GNAL: variants seen among roughly 807,000 people sequenced by gnomAD.
GNAL encodes the protein G protein subunit alpha L.
GNAL carries 18 observed loss-of-function variants against 55.1 expected under a neutral mutation model. The observed-to-expected ratio is 0.33, with a 90% CI of 0.23 to 0.48. The LOEUF (loss-of-function observed/expected upper bound fraction) is 0.48, where lower values mean the gene tolerates loss of function less well. GNAL is among the 20% of genes least tolerant of loss of function. The pLI, the probability that GNAL is intolerant of heterozygous loss-of-function variation, is 0.99. For synonymous variants in GNAL, 253 were observed against 237.0 expected, an observed-to-expected ratio of 1.07 and a Z score of -0.62; for missense variants, 412 against 614.1, an observed-to-expected ratio of 0.67 and a Z score of 3.48.
At position 11,752,188 on chromosome 18, in the gene GNAL, A is replaced by C. The variant is rs1250581550; in HGVS notation, c.377-665A>C. On this transcript the variant is annotated intron_variant, in intron 1 of 11. Transcript: ENST00000334049. This position sits in a 1 kb window ranked among gnomAD's most constrained non-coding sequence, Gnocchi z 4.5. ...GTATTCATCCAGCAGATTTTGAAAC[A>C]ATTCTCGTGTAAAAAGGCATTTTAC... The C allele has an allele frequency of 5.5e-6, 3 of 545,490 alleles. No homozygotes were observed. Among genetic ancestry groups the C allele is most frequent in the East Asian group, 9.1e-5 (2 of 22,066 alleles). 33.8% of individuals were successfully genotyped at this position (545,490 alleles called of 1,614,324 possible). A position where few individuals can be genotyped will look rare whatever the true frequency, so the allele number is the denominator to read the frequency against.
intron 4 of GNAL, among the ~76,000 whole-genome samples, chr18:11,761,637 A>G (rs986364491): frequency 2.0e-5 from 3 of 152,048 alleles, no homozygotes; most frequent in South Asian, 2.1e-4. Context: ...GCAGATTTCT[A>G]TGGGATTTTT....
chr18:11,804,947 G>T (rs1447203676), intron 4 of GNAL, among the ~76,000 whole-genome samples: 7 of 146,506 alleles, frequency 4.8e-5, no homozygotes, highest in Non-Finnish European at 7.6e-5. Flanking sequence ...CTGTGTAGTG[G>T]TGAAGTACAG....
intron 4 of GNAL, among the ~76,000 whole-genome samples, chr18:11,805,711 A>C (rs898824106): frequency 6.6e-6 from 1 of 152,202 alleles, no homozygotes; most frequent in Non-Finnish European, 1.5e-5. Flanking sequence ...GCCAAAAAGT[A>C]TTCTATTGCG....
At chr18:11,768,460 G>T (rs1195369186) in intron 4 of GNAL, among the ~76,000 whole-genome samples, 1 of 151,702 alleles carries the variant, frequency 6.6e-6, no homozygotes, top group Non-Finnish European at 1.5e-5. Flanking sequence ...AATTAGCTGG[G>T]CGTGGTGGCA....
At chr18:11,815,063 G>A (rs1249271535) in intron 4 of GNAL, among the ~76,000 whole-genome samples, 2 of 152,162 alleles carry the variant, frequency 1.3e-5, no homozygotes, top group Non-Finnish European at 2.9e-5. Flanking sequence ...TTACACAGTA[G>A]AGTGACTATA....
At chr18:11,701,455 G>T (rs2031567307) in intron 1 of GNAL, among the ~76,000 whole-genome samples, 2 of 151,338 alleles carry the variant, frequency 1.3e-5, no homozygotes, top group African/African-American at 4.9e-5. Context: ...GCCAGACGTT[G>T]TGGCGGGTAC....
rs112505457 is a variant in GNAL, at chr18:11,840,875, CT to C, written c.722+15877del. ...CATTGAGGAATTTGCTTTTTCTTTT[CT>C]TTTTTTTTTTTTTTTTGAGACACAG... On this transcript the variant is annotated intron_variant, in intron 5 of 11. Transcript: ENST00000334049. 5.7e-3 allele frequency among the ~76,000 whole-genome samples: 778 copies of C among 136,980 alleles called. 4 individuals carry two copies. Among genetic ancestry groups the C allele is most frequent in the Non-Finnish European group, 5.5e-3 (348 of 62,930 alleles). The allele number at this position is 136,980 out of a possible 152,430, so 89.9% of individuals were successfully genotyped here.
At chr18:11,699,558 A>T (rs372133320) in intron 1 of GNAL, among the ~76,000 whole-genome samples, 2 of 145,296 alleles carry the variant, frequency 1.4e-5, no homozygotes, top group African/African-American at 5.0e-5. Context: ...TTTTTTTTTG[A>T]GGGGGGGGGT....
rs1356631953 is a variant in GNAL, at chr18:11,868,689, T to TA, written c.1031+27dup. On this transcript the variant is annotated intron_variant, in intron 9 of 11. Transcript: ENST00000334049. The surrounding 1 kb of genome is among the most constrained non-coding windows in gnomAD (Gnocchi z 4.0). Reference sequence around the variant, plus strand: ...GTGACAAAAATAGCAAATTCAGTCTTACCATTGGATTGCAAATTTTCTTTT... The same window carrying TA: ...GTGACAAAAATAGCAAATTCAGTCTTAACCATTGGATTGCAAATTTTCTTTT... 3 of 1,585,560 alleles carry TA rather than the reference T, an allele frequency of 1.9e-6. No homozygotes were observed. The highest frequency in any genetic ancestry group is 1.7e-6 in the Non-Finnish European group (2 of 1,165,612).
At chr18:11,719,206 T>TA (rs34992527) in intron 1 of GNAL, among the ~76,000 whole-genome samples, 13 of 150,582 alleles carry the variant, frequency 8.6e-5, no homozygotes, top group African/African-American at 2.2e-4. Flanking sequence ...ATTCTATCAT[T>TA]AAAAAAAAAT....
chr18:11,849,514 AAAAAAAAG>A (rs1278400753), intron 5 of GNAL, among the ~76,000 whole-genome samples: 2 of 77,366 alleles, frequency 2.6e-5, no homozygotes, highest in African/African-American at 3.4e-5. Context: ...AAAAAAAAAA[AAAAAAAAG>A]AAAGAAAAGA....
In GNAL at chr18:11,695,702, T is replaced by C. The variant is rs117404963; in HGVS notation, c.376+5763T>C. 8.9e-3 allele frequency among the ~76,000 whole-genome samples: 1,363 copies of C among 152,348 alleles called. 7 individuals carry two copies. The highest frequency in any genetic ancestry group is 0.012 in the Non-Finnish European group (833 of 68,032). The stretch of plus-strand genomic sequence containing the variant: ...CGAATTTTAAATCCTCAGCTGTAGA[T>C]AGGATTTGTCTTTTTTCCTTTTTTC... On this transcript the variant is annotated intron_variant, in intron 1 of 11. Transcript: ENST00000334049.
chr18:11,699,440 C>T (rs1317959642), intron 1 of GNAL, among the ~76,000 whole-genome samples: 1 of 151,840 alleles, frequency 6.6e-6, no homozygotes, highest in Non-Finnish European at 1.5e-5. Context: ...GTCTCAAAGT[C>T]CTGACCTCTG....
intron 4 of GNAL, among the ~76,000 whole-genome samples, chr18:11,821,364 A>G (rs1450955413): frequency 2.6e-5 from 4 of 152,300 alleles, no homozygotes; most frequent in African/African-American, 9.6e-5. Context: ...GTGGAATAAG[A>G]TATTCTGCTA....
In GNAL at chr18:11,752,346, GC is replaced by G. The variant is rs2032874465; in HGVS notation, c.377-505del. The stretch of plus-strand genomic sequence containing the variant: ...TCTTTCAGCAGCAGGAAAGAGAGGA[GC>G]CGTCGCAGGAGCCGCACACGTCTCC... On this transcript the variant is annotated intron_variant, in intron 1 of 11. Coordinates refer to ENST00000334049, the MANE Select transcript of GNAL (RefSeq NM_182978.4). This position sits in a 1 kb window ranked among gnomAD's most constrained non-coding sequence, Gnocchi z 4.5. 1 of 1,497,266 alleles carries G rather than the reference GC, an allele frequency of 6.7e-7. No homozygotes were observed. Among genetic ancestry groups the G allele is most frequent in the Middle Eastern group, 1.8e-4 (1 of 5,578 alleles). 92.7% of individuals were successfully genotyped at this position (1,497,266 alleles called of 1,614,324 possible). A position where few individuals can be genotyped will look rare whatever the true frequency, so the allele number is the denominator to read the frequency against.
intron 9 of GNAL, among the ~76,000 whole-genome samples, chr18:11,871,715 A>G (rs1021547375): frequency 2.0e-5 from 3 of 152,258 alleles, no homozygotes; most frequent in African/African-American, 4.8e-5. Flanking sequence ...TTTCACTTCT[A>G]ATGTGAGTTT....
At chr18:11,845,982 A>C (rs1274860071) in intron 5 of GNAL, among the ~76,000 whole-genome samples, 3 of 152,146 alleles carry the variant, frequency 2.0e-5, no homozygotes, top group Non-Finnish European at 4.4e-5. Flanking sequence ...TTTTAAGTTA[A>C]GCGGTTTTGA....
At chr18:11,828,092 T>G (rs1016826384) in intron 5 of GNAL, among the ~76,000 whole-genome samples, 23 of 152,158 alleles carry the variant, frequency 1.5e-4, no homozygotes, top group African/African-American at 5.3e-4. Flanking sequence ...TTGCTTTCGG[T>G]TTGGATGTGG....
intron 1 of GNAL, among the ~76,000 whole-genome samples, chr18:11,745,381 A>G (rs2032667220): frequency 6.6e-6 from 1 of 152,192 alleles, no homozygotes; most frequent in Admixed American, 6.5e-5. Flanking sequence ...TTTTTTTTCA[A>G]CATTTGCCAT....
Sources: gnomAD v4.1 joint callset for allele counts (sites outside exome capture counted in the v4.1 genomes callset) on GRCh38, gnomAD v4.1.1 for gene constraint, Gnocchi (gnomAD v3.1) non-coding constraint, MANE v1.5 for transcripts, NCBI Gene and HGNC (gene_info 2026-07-23, HGNC 2026-07-21) for gene names.